The following CPNE8 variants were observed in gnomAD, a reference collection of about 807,000 sequenced individuals.
CPNE8 encodes the protein copine-8.
In CPNE8, 45 loss-of-function variants were observed where a neutral mutation model predicts 81.5. That is an observed-to-expected ratio of 0.55 (90% CI 0.44 to 0.71). The LOEUF (loss-of-function observed/expected upper bound fraction) is 0.71. Ranked by LOEUF, CPNE8 falls within the 30% of genes least tolerant of loss-of-function variation. The probability of loss-of-function intolerance (pLI) is 0.00; values close to 1 mark genes in which losing one functional copy is unlikely to be tolerated. For synonymous variants in CPNE8, 252 were observed against 226.3 expected (o/e 1.11, Z -1.02); for missense variants, 594 against 672.1 (o/e 0.88, Z 1.28).
chr12:38,657,788 A>G (rs1205993195), intron 19 of CPNE8, among the ~76,000 whole-genome samples: 1 of 152,180 alleles, frequency 6.6e-6, no homozygotes, highest in Non-Finnish European at 1.5e-5. Context: ...AGCAAACTCT[A>G]AAAGACCTGC....
rs370014992 is a variant in CPNE8, at chr12:38,873,324, A to C, written c.140-274T>G. On this transcript the variant is annotated intron_variant, in intron 2 of 19. Transcript: ENST00000331366. ...AATAAGTACTTGCTAAGGTCTTCATATATAAATTTTAAAACCATAATTTAA... is the reference window on the plus strand; with the variant it reads ...AATAAGTACTTGCTAAGGTCTTCATCTATAAATTTTAAAACCATAATTTAA... Among the ~76,000 whole-genome samples, 11 of 152,220 alleles carry C rather than the reference A, an allele frequency of 7.2e-5. No individual in the cohort carries two copies. In the East Asian group the frequency reaches 2.1e-3, roughly 29 times the overall value.
chr12:38,679,719 A>G, intron 16 of CPNE8: 1 of 983,742 alleles, frequency 1.0e-6, no homozygotes. Context: ...GTAAATCTAA[A>G]TTTCAAACAA....
rs139002108 is a variant in CPNE8 at position 38,883,674 on chromosome 12, A to C, written c.99-9163T>G. Among the ~76,000 whole-genome samples the C allele has an allele frequency of 3.1e-3, 479 of 152,286 alleles. 6 individuals are homozygous for C. The highest frequency in any genetic ancestry group is 1.0e-2 in the African/African-American group (414 of 41,550). On this transcript the variant is annotated intron_variant, in intron 1 of 19. Coordinates refer to ENST00000331366, the MANE Select transcript of CPNE8 (RefSeq NM_153634.3). Reference sequence around the variant, plus strand: ...AGCTCTCACTATAACCTCACTCCAAAATAGTATGTTACCAAGAAAGCAAGT... The same window carrying C: ...AGCTCTCACTATAACCTCACTCCAACATAGTATGTTACCAAGAAAGCAAGT...
chr12:38,865,356 A>G (rs1041647863), intron 3 of CPNE8, among the ~76,000 whole-genome samples: 37 of 152,222 alleles, frequency 2.4e-4, no homozygotes, highest in Admixed American at 2.6e-4. Flanking sequence ...ACAGATATTA[A>G]TATTCAGTAA....
At position 38,829,391 on chromosome 12, in the gene CPNE8, T is replaced by C; in HGVS notation, c.395A>G (p.Glu132Gly). The C allele has an allele frequency of 6.2e-7, 1 of 1,611,216 alleles. No homozygotes were observed. The highest frequency in any genetic ancestry group is 2.2e-5 in the East Asian group (1 of 44,836). Reference sequence around the variant, plus strand: ...AAAAAATACTTACACTATTGGTTTTTCCAGGCGACTTCCCTGTGAACCAAC... The same window carrying C: ...AAAAAATACTTACACTATTGGTTTTCCCAGGCGACTTCCCTGTGAACCAAC... ...EIVGSQGSRL[E>G]KPIVGIPGKK... The change falls in exon 6 of 20, where the codon GAA becomes GGA. Residue 132 changes from glutamate to glycine, a missense_variant. Physicochemically the swap from Glu to Gly is moderately conservative, Grantham distance 98. Transcript: ENST00000331366.
chr12:38,802,739 A>G (rs1359286161), intron 6 of CPNE8, among the ~76,000 whole-genome samples: 1 of 151,004 alleles, frequency 6.6e-6, no homozygotes, highest in Non-Finnish European at 1.5e-5. Flanking sequence ...GAAAGGATCA[A>G]CAAAATTGAT....
At chr12:38,802,566 A>G (rs1455034126) in intron 6 of CPNE8, among the ~76,000 whole-genome samples, 4 of 122,910 alleles carry the variant, frequency 3.3e-5, no homozygotes, top group African/African-American at 1.2e-4. Context: ...GGAAAGATCC[A>G]AAATTGACAC....
At chr12:38,778,231 C>A (rs1941975571) in intron 6 of CPNE8, among the ~76,000 whole-genome samples, 1 of 152,090 alleles carries the variant, frequency 6.6e-6, no homozygotes, top group Admixed American at 6.6e-5. Context: ...CTCCTTGGTA[C>A]CAAAAAGGTT....
intron 19 of CPNE8, 32 bp from the exon 20 acceptor site, chr12:38,654,102 AGACT>A: frequency 6.4e-7 from 1 of 1,562,818 alleles, no homozygotes; most frequent in Non-Finnish European, 8.7e-7. Context: ...GTTATTTCAC[AGACT>A]TTAGCAGGCT....
intron 10 of CPNE8, among the ~76,000 whole-genome samples, chr12:38,733,345 C>G (rs1161532336): frequency 6.6e-6 from 1 of 151,810 alleles, no homozygotes; most frequent in Non-Finnish European, 1.5e-5. Context: ...ATATTTTACA[C>G]TATTACCAAC....
chr12:38,681,426 C>T (rs1339045304), intron 16 of CPNE8, among the ~76,000 whole-genome samples: 1 of 152,056 alleles, frequency 6.6e-6, no homozygotes, highest in African/African-American at 2.4e-5. Flanking sequence ...TTCATATCTG[C>T]AAGAACCTAA....
chr12:38,838,051 T>C (rs1943414905), intron 5 of CPNE8, among the ~76,000 whole-genome samples: 1 of 152,104 alleles, frequency 6.6e-6, no homozygotes, highest in South Asian at 2.1e-4. Context: ...CATACACTTC[T>C]CTCTGCCCTG....
chr12:38,699,162 G>A (rs532993055), intron 14 of CPNE8, among the ~76,000 whole-genome samples: 42 of 152,144 alleles, frequency 2.8e-4, no homozygotes, highest in Non-Finnish European at 5.4e-4. Context: ...AAAATAATTT[G>A]CACTTATCTT....
At chr12:38,828,420 C>A (rs1209122473) in intron 6 of CPNE8, among the ~76,000 whole-genome samples, 1 of 152,052 alleles carries the variant, frequency 6.6e-6, no homozygotes, top group African/African-American at 2.4e-5. Context: ...CTAAGGAAAT[C>A]AAATTAAATT....
intron 3 of CPNE8, among the ~76,000 whole-genome samples, chr12:38,869,204 T>C (rs1458641312): frequency 6.6e-6 from 1 of 152,172 alleles, no homozygotes; most frequent in African/African-American, 2.4e-5. Context: ...TCCCATCAAC[T>C]GCTGGGCTTG....
chr12:38,767,530 C>T (rs1358251255), intron 8 of CPNE8, 105 bp downstream of exon 8: 12 of 648,612 alleles, frequency 1.9e-5, no homozygotes, highest in Non-Finnish European at 2.9e-5. Context: ...AAATCTCAAA[C>T]TATTTTACTT....
chr12:38,824,333 T>C (rs1351729875), intron 6 of CPNE8, among the ~76,000 whole-genome samples: 1 of 152,116 alleles, frequency 6.6e-6, no homozygotes, highest in Non-Finnish European at 1.5e-5. Flanking sequence ...AAAGGCTACA[T>C]ACAACAAACC....
intron 10 of CPNE8, among the ~76,000 whole-genome samples, chr12:38,754,293 T>C (rs1941413406): frequency 6.6e-6 from 1 of 152,136 alleles, no homozygotes; most frequent in South Asian, 2.1e-4. Context: ...GCAAAGATCT[T>C]CTAGTAAAGG....
At chr12:38,670,958 C>T (rs1939161607) in intron 18 of CPNE8, 156 bp from the exon 19 acceptor site, 2 of 538,912 alleles carry the variant, frequency 3.7e-6, no homozygotes, top group East Asian at 3.3e-5. Flanking sequence ...ATTTCTCATA[C>T]AAAACTTGAT....
Sources: allele counts gnomAD v4.1 joint callset (sites outside exome capture counted in the v4.1 genomes callset), GRCh38; gene constraint gnomAD v4.1.1; transcripts MANE v1.5; gene names NCBI Gene and HGNC (gene_info 2026-07-23, HGNC 2026-07-21).